The following XYLT1 variants were observed in gnomAD, a reference collection of about 807,000 sequenced individuals.
The protein encoded by XYLT1 is beta-D-xylosyltransferase 1.
XYLT1 carries 36 observed loss-of-function variants against 91.3 expected under a neutral mutation model. That is an observed-to-expected ratio of 0.39 (90% confidence interval 0.30 to 0.52). XYLT1 has a LOEUF of 0.52. Among genes scored for constraint, XYLT1 ranks in the 20% least tolerant of loss-of-function variants. XYLT1 has a pLI of 0.68. For synonymous variants in XYLT1, 588 were observed against 532.0 expected, an observed-to-expected ratio of 1.11 and a Z score of -1.45; for missense variants, 1,242 against 1,284.5, an observed-to-expected ratio of 0.97 and a Z score of 0.51.
At chr16:17,257,115 G>C (rs533638992) in intron 3 of XYLT1, among the ~76,000 whole-genome samples, 2 of 152,298 alleles carry the variant, frequency 1.3e-5, no homozygotes, top group African/African-American at 4.8e-5. Flanking sequence ...ATTTAGAAGC[G>C]ACAAGGGGGT....
At chr16:17,459,374 T>A (rs2036785727) in intron 1 of XYLT1, among the ~76,000 whole-genome samples, 1 of 152,192 alleles carries the variant, frequency 6.6e-6, no homozygotes, top group South Asian at 2.1e-4. Context: ...CCTGTCTCAA[T>A]AAATTAACAA....
intron 2 of XYLT1, among the ~76,000 whole-genome samples, chr16:17,299,341 C>G (rs776594727): frequency 1.1e-4 from 17 of 152,172 alleles, no homozygotes; most frequent in Admixed American, 4.6e-4. Context: ...CAGTAAGCCC[C>G]AGCAGGCTTC....
rs139768431 is a variant in XYLT1, at chr16:17,126,318, A to C, written c.2223+1348T>G. The stretch of plus-strand genomic sequence containing the variant: ...GGGAGAGCCCAGACACCAGGCATTC[A>C]TCTCTTTAATGGGACATTAATGTTG... On this transcript the variant is annotated intron_variant, in intron 10 of 11. Coordinates refer to ENST00000261381, the MANE Select transcript of XYLT1 (RefSeq NM_022166.4). Among the ~76,000 whole-genome samples the C allele has an allele frequency of 4.6e-5, 7 of 152,298 alleles. No individual in the cohort carries two copies. The East Asian group carries it at 1.3e-3, about 29-fold the overall frequency.
At chr16:17,402,375 C>T (rs1008837344) in intron 1 of XYLT1, among the ~76,000 whole-genome samples, 3 of 151,516 alleles carry the variant, frequency 2.0e-5, no homozygotes, top group Non-Finnish European at 4.4e-5. Context: ...ATGAAAAAGA[C>T]GAAGTGTACA....
Position 17,318,205 on chromosome 16 carries a change from A to G in XYLT1, c.402+39807T>C, listed in dbSNP as rs144441289. ...GCGGATGCTGAATAAATACTCAAGG[A>G]AGAAATGAAAGAGAGAATGGGAACT... On this transcript the variant is annotated intron_variant, in intron 2 of 11. Transcript: ENST00000261381. 3.7e-4 allele frequency among the ~76,000 whole-genome samples: 56 copies of G among 152,340 alleles called. No homozygotes were observed. The East Asian group carries it at 0.01, about 28-fold the overall frequency.
chr16:17,138,350 C>G lies in XYLT1; in HGVS notation c.1764+5G>C. 6.2e-7 allele frequency: 1 copy of G among 1,608,178 alleles called. No individual in the cohort carries two copies. Among genetic ancestry groups the G allele is most frequent in the Non-Finnish European group, 8.5e-7 (1 of 1,175,526 alleles). On this transcript the variant is annotated splice_donor_5th_base_variant and intron_variant, in intron 8 of 11. Transcript: ENST00000261381. ...GGAGGCTGGCAGACCATGAGAAAGTCTCACCTGGAAGCGGTGGAAGTCCTG... is the reference window on the plus strand; with the variant it reads ...GGAGGCTGGCAGACCATGAGAAAGTGTCACCTGGAAGCGGTGGAAGTCCTG...
chr16:17,190,873 T>C lies in XYLT1; in HGVS notation c.1289+7339A>G, dbSNP rs151279902. On this transcript the variant is annotated intron_variant, in intron 5 of 11. Coordinates refer to ENST00000261381, the MANE Select transcript of XYLT1 (RefSeq NM_022166.4). The stretch of plus-strand genomic sequence containing the variant: ...CCTCAGTTTCAAAAAAAAAGGATCA[T>C]GATTCTACAGTTTACTGGCTGTAGC... Among the ~76,000 whole-genome samples, 859 of 152,340 alleles carry C rather than the reference T, an allele frequency of 5.6e-3. 8 individuals carry two copies. The highest frequency in any genetic ancestry group is 0.019 in the African/African-American group (806 of 41,582).
At position 17,470,710 on chromosome 16, in the gene XYLT1, C is replaced by A. The variant is rs2036978778; in HGVS notation, c.87G>T (p.Thr29=). 5 of 1,166,666 alleles carry A rather than the reference C, an allele frequency of 4.3e-6. No individual in the cohort carries two copies. The South Asian group carries it at 6.8e-5, about 16-fold the overall frequency. 72.3% of individuals were successfully genotyped at this position (1,166,666 alleles called of 1,614,324 possible). A position where few individuals can be genotyped will look rare whatever the true frequency, so the allele number is the denominator to read the frequency against. The change falls in exon 1 of 12, where the codon ACG becomes ACT. Residue 29 remains threonine (T), a synonymous_variant. Transcript: ENST00000261381. ...LAALTVLLLQ[T]LVVWNFSSLD... is the part of the protein sequence containing the mutation. The stretch of plus-strand genomic sequence containing the variant: ...GGCTGCTGAAATTCCACACGACCAG[C>A]GTCTGCAGCAGCAGCACCGTGAGCG...
At chr16:17,382,990 G>A (rs966555727) in intron 1 of XYLT1, among the ~76,000 whole-genome samples, 4 of 151,744 alleles carry the variant, frequency 2.6e-5, no homozygotes, top group Non-Finnish European at 5.9e-5. Context: ...CAACTACCCA[G>A]TCCCATCTCC....
chr16:17,363,416 G>A (rs1385598518), intron 1 of XYLT1, among the ~76,000 whole-genome samples: 1 of 152,216 alleles, frequency 6.6e-6, no homozygotes, highest in Admixed American at 6.5e-5. Context: ...AGGTCAAGGT[G>A]TCTGCAGGTC....
chr16:17,143,026 A>G (rs1019396137), intron 6 of XYLT1, among the ~76,000 whole-genome samples: 1 of 152,122 alleles, frequency 6.6e-6, no homozygotes, highest in Admixed American at 6.6e-5. Flanking sequence ...ACATATAATC[A>G]TCTTGTTTAG....
intron 10 of XYLT1, among the ~76,000 whole-genome samples, chr16:17,126,211 C>G (rs973291053): frequency 4.6e-5 from 7 of 152,184 alleles, no homozygotes; most frequent in Admixed American, 2.0e-4. Context: ...GGACCATCCC[C>G]CAAAAGCACT....
chr16:17,172,256 T>C (rs1014726030), intron 5 of XYLT1, among the ~76,000 whole-genome samples: 5 of 152,048 alleles, frequency 3.3e-5, no homozygotes, highest in Non-Finnish European at 7.4e-5. Flanking sequence ...CCTTTGTCCT[T>C]TTCTTTCCTT....
At chr16:17,337,259 C>T (rs2034994060) in intron 2 of XYLT1, among the ~76,000 whole-genome samples, 1 of 152,146 alleles carries the variant, frequency 6.6e-6, no homozygotes, top group Admixed American at 6.5e-5. Context: ...GCAGTCATGG[C>T]TCATTGTAGC....
intron 6 of XYLT1, among the ~76,000 whole-genome samples, chr16:17,147,680 T>G (rs1466723832): frequency 6.6e-6 from 1 of 152,180 alleles, no homozygotes; most frequent in Non-Finnish European, 1.5e-5. Flanking sequence ...GACTTAAGTC[T>G]TGGACTAGGA....
chr16:17,137,914 C>G (rs1192057704), intron 8 of XYLT1, among the ~76,000 whole-genome samples: 1 of 152,156 alleles, frequency 6.6e-6, no homozygotes, highest in East Asian at 1.9e-4. Context: ...AGAGAATCAT[C>G]CAGCCACAAT....
intron 2 of XYLT1, among the ~76,000 whole-genome samples, chr16:17,327,914 T>A (rs1307620011): frequency 6.6e-6 from 1 of 152,012 alleles, no homozygotes; most frequent in Non-Finnish European, 1.5e-5. Flanking sequence ...AGATCAGGTA[T>A]TTGCAAAGTG....
chr16:17,457,139 T>G (rs542858524), intron 1 of XYLT1, among the ~76,000 whole-genome samples: 2 of 152,330 alleles, frequency 1.3e-5, no homozygotes, highest in African/African-American at 4.8e-5. Flanking sequence ...CACTCTAAAT[T>G]TGATTTGGAT....
intron 1 of XYLT1, among the ~76,000 whole-genome samples, chr16:17,379,734 C>A (rs1050117715): frequency 9.8e-6 from 1 of 101,734 alleles, no homozygotes; most frequent in African/African-American, 4.4e-5. Flanking sequence ...GGATATCTCT[C>A]TCTCTCTCTC....
Sources: gnomAD v4.1 joint callset for allele counts (sites outside exome capture counted in the v4.1 genomes callset) on GRCh38, gnomAD v4.1.1 for gene constraint, MANE v1.5 for transcripts, NCBI Gene and HGNC (gene_info 2026-07-23, HGNC 2026-07-21) for gene names.